The following DEPTOR variants were observed in gnomAD, a reference collection of about 807,000 sequenced individuals.
DEPTOR encodes DEP domain-containing mTOR-interacting protein.
DEPTOR carries 41 observed loss-of-function variants against 41.6 expected under a neutral mutation model. The observed-to-expected ratio is 0.98, with a 90% confidence interval of 0.77 to 1.28. DEPTOR has a LOEUF of 1.28. Among genes scored for constraint, DEPTOR ranks in the 50% most tolerant of loss-of-function variants. DEPTOR has a pLI of 0.00. For missense variants in DEPTOR, 514 were observed against 527.9 expected (o/e 0.97, Z 0.26); for synonymous variants, 195 against 192.3 (o/e 1.01, Z -0.12).
In DEPTOR at chr8:120,002,998, AG is replaced by A; in HGVS notation, c.813del (p.Ile272SerfsTer5). The A allele has an allele frequency of 6.3e-7, 1 of 1,582,956 alleles. No individual in the cohort carries two copies. Among genetic ancestry groups the A allele is most frequent in the South Asian group, 1.1e-5 (1 of 87,076 alleles). ...FMSVSPSKEI[K>X]IVSAVRRSSM... ...ACAGTGAGCCCCAGCAAGGAGATCAAGATCGTGTCTGCAGTGAGGAGAAGCA... is the reference window on the plus strand; with the variant it reads ...ACAGTGAGCCCCAGCAAGGAGATCAAATCGTGTCTGCAGTGAGGAGAAGCA... On this transcript the variant is annotated frameshift_variant, in exon 6 of 9. Transcript: ENST00000286234. LOFTEE classifies it high-confidence loss of function.
At chr8:119,903,985 G>T (rs1418878050) in intron 1 of DEPTOR, among the ~76,000 whole-genome samples, 1 of 152,096 alleles carries the variant, frequency 6.6e-6, no homozygotes, top group African/African-American at 2.4e-5. Context: ...TGGGGGCCAG[G>T]AGTTGCTATT....
chr8:119,913,358 AAG>A (rs1044172233), intron 1 of DEPTOR, among the ~76,000 whole-genome samples: 2 of 152,230 alleles, frequency 1.3e-5, no homozygotes, highest in African/African-American at 4.8e-5. Flanking sequence ...AGGACGAACA[AAG>A]AGAGGGGGCA....
At chr8:120,028,076 G>A (rs1052429328) in intron 8 of DEPTOR, among the ~76,000 whole-genome samples, 5 of 152,202 alleles carry the variant, frequency 3.3e-5, no homozygotes, top group Admixed American at 6.5e-5. Flanking sequence ...TGATTTTCAT[G>A]CCTCAAATTC....
intron 8 of DEPTOR, among the ~76,000 whole-genome samples, chr8:120,032,211 C>CTTTTTTTTTTTTTTTTTT (rs60003356): frequency 8.3e-6 from 1 of 120,912 alleles, no homozygotes; most frequent in Non-Finnish European, 1.7e-5. Context: ...CACTAACTTT[C>CTTTTTTTTTTTTTTTTTT]TTTTTTTTTT....
intron 3 of DEPTOR, among the ~76,000 whole-genome samples, chr8:119,951,748 C>A (rs1828356508): frequency 6.6e-6 from 1 of 152,160 alleles, no homozygotes; most frequent in African/African-American, 2.4e-5. Flanking sequence ...CCTCCCTGGG[C>A]TCAGTTTTCT....
At chr8:119,956,851 C>T (rs896175914) in intron 3 of DEPTOR, among the ~76,000 whole-genome samples, 2 of 151,176 alleles carry the variant, frequency 1.3e-5, no homozygotes, top group African/African-American at 2.4e-5. Flanking sequence ...TCTCCTGCCT[C>T]AGCCTCCCAA....
chr8:119,991,877 A>C (rs1812179470), intron 4 of DEPTOR, among the ~76,000 whole-genome samples: 1 of 152,246 alleles, frequency 6.6e-6, no homozygotes, highest in South Asian at 2.1e-4. Flanking sequence ...ATTATGAAAT[A>C]TACTAAATGA....
intron 8 of DEPTOR, among the ~76,000 whole-genome samples, chr8:120,013,717 T>C (rs938088140): frequency 7.9e-5 from 12 of 152,334 alleles, no homozygotes; most frequent in African/African-American, 2.9e-4. Flanking sequence ...CTGCACTGAA[T>C]GTCAGGCTCT....
chr8:120,001,624 C>T lies in DEPTOR; in HGVS notation c.704C>T (p.Ser235Phe), dbSNP rs778966344. The change falls in exon 5 of 9, where the codon TCC (serine) becomes TTC (phenylalanine). Residue 235 changes from serine to phenylalanine, a missense_variant. Ser to Phe is a radical substitution (Grantham distance 155). Coordinates refer to ENST00000286234, the MANE Select transcript of DEPTOR (RefSeq NM_022783.4). ...CTGATGGAGCTGCTCAATGAAAAGT[C>T]CCCCTCCTCCCAGGAAACTCATGAC... is the stretch of plus-strand genomic sequence containing the variant. ...RRLMELLNEK[S>F]PSSQETHDSP... 2 of 1,613,952 alleles carry T rather than the reference C, an allele frequency of 1.2e-6. No homozygotes were observed. Among genetic ancestry groups the T allele is most frequent in the Non-Finnish European group, 1.7e-6 (2 of 1,179,958 alleles).
chr8:119,988,958 C>CTTTT (rs71571643), intron 4 of DEPTOR, among the ~76,000 whole-genome samples: 14 of 93,924 alleles, frequency 1.5e-4, no homozygotes, highest in African/African-American at 1.8e-4. Context: ...TTTTTTTTTT[C>CTTTT]TTTTTTTTTT....
chr8:120,029,554 C>G (rs973968170), intron 8 of DEPTOR, among the ~76,000 whole-genome samples: 1 of 152,042 alleles, frequency 6.6e-6, no homozygotes, highest in Non-Finnish European at 1.5e-5. Context: ...CACCACCATG[C>G]CTGGCTAATT....
intron 1 of DEPTOR, among the ~76,000 whole-genome samples, chr8:119,898,456 C>T (rs1016286963): frequency 2.6e-5 from 4 of 152,076 alleles, no homozygotes; most frequent in Non-Finnish European, 5.9e-5. Flanking sequence ...GGTGTGGTGG[C>T]TTACGTGTGT....
intron 4 of DEPTOR, among the ~76,000 whole-genome samples, chr8:119,999,780 A>G (rs1812320601): frequency 6.6e-6 from 1 of 152,240 alleles, no homozygotes; most frequent in Non-Finnish European, 1.5e-5. Context: ...ATAACATTGT[A>G]GAGATGGAGA....
intron 8 of DEPTOR, among the ~76,000 whole-genome samples, chr8:120,030,903 T>C (rs1487596157): frequency 6.6e-6 from 1 of 151,958 alleles, no homozygotes; most frequent in Non-Finnish European, 1.5e-5. Context: ...TTGTAACAAA[T>C]GTACCACTCA....
Position 120,043,208 on chromosome 8 carries a change from AC to A in DEPTOR, c.1102-6366del, listed in dbSNP as rs113628298. Among the ~76,000 whole-genome samples the A allele has an allele frequency of 6.2e-4, 94 of 151,996 alleles. 1 individual carries two copies. The highest frequency in any genetic ancestry group is 2.1e-3 in the African/African-American group (87 of 41,454). On this transcript the variant is annotated intron_variant, in intron 8 of 8. Transcript: ENST00000286234. Reference sequence around the variant, plus strand: ...CATCACCCATGGTCTCAAACTCATGACCTCAAGTGATCTGCCTGCCTCAGCC... The same window carrying A: ...CATCACCCATGGTCTCAAACTCATGACTCAAGTGATCTGCCTGCCTCAGCC...
At chr8:120,003,191 G>A (rs1354592620) in intron 6 of DEPTOR, 80 bp downstream of exon 6, 11 of 1,568,502 alleles carry the variant, frequency 7.0e-6, no homozygotes, top group African/African-American at 1.3e-5. Context: ...CTGAGATAGC[G>A]GGAGACTAGT....
At chr8:120,042,137 A>G (rs1276344599) in intron 8 of DEPTOR, among the ~76,000 whole-genome samples, 1 of 151,548 alleles carries the variant, frequency 6.6e-6, no homozygotes, top group Non-Finnish European at 1.5e-5. Context: ...AACTCTTGTT[A>G]CCACCAGTGG....
intron 6 of DEPTOR, among the ~76,000 whole-genome samples, chr8:120,004,240 C>T (rs1476296929): frequency 1.3e-5 from 2 of 152,164 alleles, no homozygotes; most frequent in Non-Finnish European, 2.9e-5. Flanking sequence ...GGCTCTTTTT[C>T]CTGATCTAAC....
At chr8:119,929,399 C>G (rs1335067599) in intron 2 of DEPTOR, among the ~76,000 whole-genome samples, 1 of 152,144 alleles carries the variant, frequency 6.6e-6, no homozygotes, top group Non-Finnish European at 1.5e-5. Flanking sequence ...CCATTGCACT[C>G]TCTCCTTACC....
Sources: gnomAD v4.1 joint callset for allele counts (sites outside exome capture counted in the v4.1 genomes callset) on GRCh38, gnomAD v4.1.1 for gene constraint, MANE v1.5 for transcripts, NCBI Gene and HGNC (gene_info 2026-07-23, HGNC 2026-07-21) for gene names.